Variants in SF3A3 observed in about 807,000 individuals in gnomAD.
SF3A3 encodes SAP 61.
SF3A3 carries 9 observed loss-of-function variants against 85.8 expected under a neutral mutation model. The observed-to-expected ratio is 0.10, with a 90% confidence interval of 0.06 to 0.18. The LOEUF (loss-of-function observed/expected upper bound fraction) is 0.18. Among genes scored for constraint, SF3A3 ranks in the 10% least tolerant of loss-of-function variants. The pLI, the probability that SF3A3 is intolerant of heterozygous loss-of-function variation, is 1.00. For missense variants in SF3A3, 306 were observed against 593.3 expected (o/e 0.52, Z 5.03); for synonymous variants, 195 against 204.4 (o/e 0.95, Z 0.39).
In SF3A3 at chr1:37,969,674, C is replaced by A; in HGVS notation, c.1067G>T (p.Arg356Leu). The change falls in exon 13 of 17, where the codon CGA becomes CTA. Residue 356 changes from arginine (R) to leucine (L), a missense_variant. This residue lies in a region of SF3A3 where 136 missense variants were observed against 296.6 expected (regional missense o/e 0.46). Transcript: ENST00000373019. ...QRKQARTGEE[R>L]EEEEEEQISE... is the part of the protein sequence containing the mutation. ...GATCTGCTCTTCTTCCTCTTCTTCT[C>A]GCTCTTCTCCTGTCCTGGCTTGCTT... 1 of 1,614,082 alleles carries A rather than the reference C, an allele frequency of 6.2e-7. No individual in the cohort carries two copies. The highest frequency in any genetic ancestry group is 2.2e-5 in the East Asian group (1 of 44,886).
intron 15 of SF3A3, among the ~76,000 whole-genome samples, chr1:37,966,452 T>G (rs1299522807): frequency 1.3e-5 from 2 of 152,142 alleles, no homozygotes; most frequent in South Asian, 2.1e-4. Context: ...TACTTCTATA[T>G]TTTCCTTTAT....
rs771352187 is a variant in SF3A3 at position 37,984,804 on chromosome 1, G to C, written c.304-25C>G. The stretch of plus-strand genomic sequence containing the variant: ...TCTGAGGGGAAAAGTAAAAGCTCAG[G>C]TGGATTTTTCTTTTTGCTTTTGAGA... On this transcript the variant is annotated intron_variant, in intron 4 of 16. Coordinates refer to ENST00000373019, the MANE Select transcript of SF3A3 (RefSeq NM_006802.4). 2.5e-6 allele frequency: 4 copies of C among 1,598,462 alleles called. No homozygotes were observed. In the African/African-American group the frequency reaches 5.4e-5, roughly 21 times the overall value.
At chr1:37,984,556 A>C (rs1646442192) in intron 5 of SF3A3, 151 bp downstream of exon 5, 1 of 661,416 alleles carries the variant, frequency 1.5e-6, no homozygotes, top group African/African-American at 1.8e-5. Flanking sequence ...CCCAAGACCA[A>C]CTTAGGATGT....
At chr1:37,986,599 C>T (rs577791731) in intron 4 of SF3A3, among the ~76,000 whole-genome samples, 3 of 152,054 alleles carry the variant, frequency 2.0e-5, no homozygotes, top group South Asian at 2.1e-4. Flanking sequence ...ATCACAAGGT[C>T]AGGAGATAGA....
chr1:37,976,762 T>A (rs890426179), intron 12 of SF3A3, 122 bp downstream of exon 12: 8 of 704,358 alleles, frequency 1.1e-5, no homozygotes, highest in Non-Finnish European at 2.0e-5. Flanking sequence ...TTTTGTGCCA[T>A]ACTAGTTTAT....
intron 15 of SF3A3, among the ~76,000 whole-genome samples, chr1:37,961,893 C>A (rs1228035985): frequency 6.6e-6 from 1 of 151,244 alleles, no homozygotes; most frequent in Non-Finnish European, 1.5e-5. Context: ...CGAGACCAGC[C>A]TGACCAACAT....
chr1:37,962,330 G>A (rs58457485), intron 15 of SF3A3, among the ~76,000 whole-genome samples: 1,668 of 136,442 alleles, frequency 0.012, 30 homozygotes, highest in African/African-American at 0.042. Flanking sequence ...AAGGCTGGGC[G>A]CGGTGGCTCA....
chr1:37,961,360 G>A (rs1482016698), intron 15 of SF3A3, among the ~76,000 whole-genome samples: 3 of 152,002 alleles, frequency 2.0e-5, no homozygotes, highest in Non-Finnish European at 4.4e-5. Context: ...TGAGGCAGGC[G>A]GAACACCTGA....
chr1:37,980,073 C>G (rs1296351485), intron 8 of SF3A3, among the ~76,000 whole-genome samples: 1 of 151,970 alleles, frequency 6.6e-6, no homozygotes. Flanking sequence ...TGGTGAAAAT[C>G]TGGGCACAGT....
At position 37,987,569 on chromosome 1, in the gene SF3A3, A is replaced by C. The variant is rs1182003955; in HGVS notation, c.303+4T>G. On this transcript the variant is annotated splice_donor_region_variant and intron_variant, in intron 4 of 16. Transcript: ENST00000373019. ...CTGGAGAAAATACTTTTCTGAGGAC[A>C]TACCTCATTTGGGTGCTTCCGGTGG... 6.2e-7 allele frequency: 1 copy of C among 1,600,646 alleles called. No individual in the cohort carries two copies. The highest frequency in any genetic ancestry group is 2.2e-5 in the East Asian group (1 of 44,820).
chr1:37,984,847 G>A lies in SF3A3; in HGVS notation c.304-68C>T. ...TTTTGAGATGGATTCTCACTCTGTG[G>A]CCCAGGCTGGAGTGCACTGGCACAA... On this transcript the variant is annotated intron_variant, in intron 4 of 16. Transcript: ENST00000373019. 5.3e-6 allele frequency: 7 copies of A among 1,324,842 alleles called. No homozygotes were observed. In the South Asian group the frequency reaches 8.3e-5, roughly 16 times the overall value. 82.1% of individuals were successfully genotyped at this position (1,324,842 alleles called of 1,614,324 possible). A position where few individuals can be genotyped will look rare whatever the true frequency, so the allele number is the denominator to read the frequency against.
chr1:37,984,016 A>C, intron 6 of SF3A3, 153 bp downstream of exon 6: 1 of 467,470 alleles, frequency 2.1e-6, no homozygotes, highest in Non-Finnish European at 3.8e-6. Flanking sequence ...ATAGTATTTC[A>C]TTCCAAGAGA....
chr1:37,966,373 C>T (rs1217452046), intron 15 of SF3A3, among the ~76,000 whole-genome samples: 1 of 152,140 alleles, frequency 6.6e-6, no homozygotes, highest in Non-Finnish European at 1.5e-5. Flanking sequence ...ACATGCACTC[C>T]GCTTCACTTT....
At chr1:37,971,712 C>T (rs1476056581) in intron 12 of SF3A3, among the ~76,000 whole-genome samples, 1 of 152,164 alleles carries the variant, frequency 6.6e-6, no homozygotes, top group African/African-American at 2.4e-5. Flanking sequence ...ATACGCAAAT[C>T]AATAAACGTA....
Position 37,981,831 on chromosome 1 carries a change from G to T in SF3A3, c.469-20C>A, listed in dbSNP as rs1173513105. ...CAGCTTCTGAAAAGAGGAAAGAAAT[G>T]ACAAGAAATTCAGTTAGGTATTTAT... On this transcript the variant is annotated intron_variant, in intron 6 of 16. Coordinates refer to ENST00000373019, the MANE Select transcript of SF3A3 (RefSeq NM_006802.4). 7.8e-6 allele frequency: 11 copies of T among 1,411,500 alleles called. No homozygotes were observed. The highest frequency in any genetic ancestry group is 1.2e-5 in the South Asian group (1 of 82,412). 87.4% of individuals were successfully genotyped at this position (1,411,500 alleles called of 1,614,324 possible).
chr1:37,979,420 G>A (rs758537674), intron 9 of SF3A3, 45 bp downstream of exon 9: 2 of 1,458,034 alleles, frequency 1.4e-6, no homozygotes, highest in East Asian at 4.6e-5. Flanking sequence ...TTTAAAGACA[G>A]AAAAATAGAC....
At chr1:37,961,355 C>A (rs1173182174) in intron 15 of SF3A3, among the ~76,000 whole-genome samples, 3 of 151,804 alleles carry the variant, frequency 2.0e-5, no homozygotes, top group Admixed American at 2.0e-4. Context: ...GAAGCTGAGG[C>A]AGGCGGAACA....
Position 37,969,459 on chromosome 1 carries a change from A to C in SF3A3, c.1176T>G (p.Ile392Met). The C allele has an allele frequency of 6.2e-7, 1 of 1,613,062 alleles. No homozygotes were observed. Among genetic ancestry groups the C allele is most frequent in the Non-Finnish European group, 8.5e-7 (1 of 1,179,176 alleles). The change falls in exon 14 of 17, where the codon ATT becomes ATG. Residue 392 changes from isoleucine to methionine, a missense_variant. Ile to Met is a conservative substitution (Grantham distance 10). Coordinates refer to ENST00000373019, the MANE Select transcript of SF3A3 (RefSeq NM_006802.4). ...CATGAAGCTTATACAGCCAGTAGGG[A>C]ATAGGCTAAAAAAGAAAAAAACAAA... is the stretch of plus-strand genomic sequence containing the variant. Reference protein sequence around the residue: ...NLPLGWDGKPIPYWLYKLHGL... With the variant: ...NLPLGWDGKPMPYWLYKLHGL...
intron 15 of SF3A3, 61 bp from the exon 16 acceptor site, chr1:37,960,236 T>C (rs1646248020): frequency 1.4e-6 from 2 of 1,463,402 alleles, no homozygotes; most frequent in Non-Finnish European, 1.9e-6. Context: ...GTATCCAGTG[T>C]TATAATCCTC....
Sources: gnomAD v4.1 joint callset for allele counts (sites outside exome capture counted in the v4.1 genomes callset) on GRCh38, gnomAD v4.1.1 for gene constraint, gnomAD v4.1.1 regional missense constraint, MANE v1.5 for transcripts, NCBI Gene and HGNC (gene_info 2026-07-23, HGNC 2026-07-21) for gene names.